The following DPP10 variants were observed in gnomAD, a reference collection of about 807,000 sequenced individuals.
DPP10 encodes dipeptidyl peptidase like 10.
Under a neutral mutation model 120.9 loss-of-function variants are expected in DPP10, and 33 were observed. The ratio of observed to expected loss-of-function variants is 0.27; its 90% CI spans 0.21 to 0.37. The LOEUF (loss-of-function observed/expected upper bound fraction) is 0.37, where lower values mean the gene tolerates loss of function less well. DPP10 is among the 10% of genes least tolerant of loss of function. DPP10 has a pLI of 1.00. For missense variants in DPP10, 816 were observed against 942.8 expected (o/e 0.87, Z 1.76); for synonymous variants, 337 against 326.1 (o/e 1.03, Z -0.36).
At chr2:115,322,878 TAAAA>T (rs894775359) in intron 2 of DPP10, among the ~76,000 whole-genome samples, 2 of 152,194 alleles carry the variant, frequency 1.3e-5, no homozygotes, top group Admixed American at 1.3e-4. Context: ...GCTTTATTGT[TAAAA>T]AAATTCTATT....
chr2:115,107,081 A>C (rs922736459), intron 1 of DPP10, among the ~76,000 whole-genome samples: 1 of 151,944 alleles, frequency 6.6e-6, no homozygotes, highest in African/African-American at 2.4e-5. Flanking sequence ...TCTCAAAAAA[A>C]AAAAAAAAAG....
In DPP10 at chr2:115,396,823, C is replaced by A. The variant is rs114281000; in HGVS notation, c.271+52911C>A. Among the ~76,000 whole-genome samples, 846 of 152,176 alleles carry A rather than the reference C, an allele frequency of 5.6e-3. 6 individuals are homozygous for A. Among genetic ancestry groups the A allele is most frequent in the African/African-American group, 0.016 (675 of 41,528 alleles). On this transcript the variant is annotated intron_variant, in intron 3 of 25. Coordinates refer to ENST00000410059, the MANE Select transcript of DPP10 (RefSeq NM_020868.6). Reference sequence around the variant, plus strand: ...ATTGCACAATCCACTCTAGCCATTGCACTCATATATCATTAAAGGAAAAAC... The same window carrying A: ...ATTGCACAATCCACTCTAGCCATTGAACTCATATATCATTAAAGGAAAAAC...
At chr2:115,642,929 A>G (rs1297725588) in intron 5 of DPP10, among the ~76,000 whole-genome samples, 4 of 152,074 alleles carry the variant, frequency 2.6e-5, no homozygotes. Context: ...ACCTGTCCAA[A>G]TGTTTATTTG....
At chr2:114,894,040 A>C (rs921916855) in intron 1 of DPP10, among the ~76,000 whole-genome samples, 20 of 152,166 alleles carry the variant, frequency 1.3e-4, no homozygotes, top group African/African-American at 4.6e-4. Flanking sequence ...TCCACTTTTC[A>C]ATTATTCTAC....
intron 13 of DPP10, among the ~76,000 whole-genome samples, chr2:115,774,808 A>G (rs2149837909): frequency 6.6e-6 from 1 of 152,284 alleles, no homozygotes; most frequent in South Asian, 2.1e-4. Context: ...CATGTGCAGT[A>G]AAGTATGGAA....
intron 5 of DPP10, among the ~76,000 whole-genome samples, chr2:115,559,764 T>G (rs1405602365): frequency 6.6e-6 from 1 of 152,166 alleles, no homozygotes; most frequent in Admixed American, 6.6e-5. Flanking sequence ...CTGAAGTATA[T>G]CTTACAAATA....
rs750698340 is a variant in DPP10, at chr2:114,442,887, C to T, written c.60+49C>T. 12 of 1,602,914 alleles carry T rather than the reference C, an allele frequency of 7.5e-6. No homozygotes were observed. The Admixed American group carries it at 1.8e-4, about 25-fold the overall frequency. ...CTTCTGCACATGTGTCTTCATTCAT[C>T]TACCTAACACATGGGCATTGATATA... On this transcript the variant is annotated intron_variant, in intron 1 of 25. Transcript: ENST00000410059.
intron 8 of DPP10, 113 bp from the exon 9 acceptor site, chr2:115,739,625 CA>C: frequency 8.9e-7 from 1 of 1,120,598 alleles, no homozygotes; most frequent in Non-Finnish European, 1.3e-6. Context: ...TAATAAAATT[CA>C]ATACACAGTC....
In DPP10 at chr2:115,565,134, CGTAA is replaced by C. The variant is rs570988481; in HGVS notation, c.441+39166_441+39169del. Among the ~76,000 whole-genome samples the C allele has an allele frequency of 6.6e-5, 10 of 152,154 alleles. 1 individual carries two copies. In the South Asian group the frequency reaches 1.2e-3, roughly 19 times the overall value. Reference sequence around the variant, plus strand: ...AAGTTAGCAAACACTGAGCTTTGTGCGTAAGTATGTGTGTATATATGTATGTAGG... The same window carrying C: ...AAGTTAGCAAACACTGAGCTTTGTGCGTATGTGTGTATATATGTATGTAGG... On this transcript the variant is annotated intron_variant, in intron 5 of 25. Coordinates refer to ENST00000410059, the MANE Select transcript of DPP10 (RefSeq NM_020868.6).
At chr2:115,155,385 TCTCCATGTGAAAGGTCAGGGGA>T (rs1478386893) in intron 1 of DPP10, among the ~76,000 whole-genome samples, 167 of 152,290 alleles carry the variant, frequency 1.1e-3, no homozygotes, top group African/African-American at 4.0e-3. Context: ...GTGGATGGCT[TCTCCATGTGAAAGGTCAGGGGA>T]CCCCTGAAGG....
chr2:115,289,506 G>GAAAAAAAAAAA (rs70941043), intron 1 of DPP10, among the ~76,000 whole-genome samples: 1 of 114,396 alleles, frequency 8.7e-6, no homozygotes, highest in African/African-American at 3.4e-5. Flanking sequence ...AAAAAAAAAG[G>GAAAAAAAAAAA]AAGAAAAGAA....
chr2:114,600,746 C>T (rs1398453836), intron 1 of DPP10, among the ~76,000 whole-genome samples: 2 of 151,764 alleles, frequency 1.3e-5, no homozygotes, highest in Admixed American at 1.3e-4. Flanking sequence ...AGCTCTTATG[C>T]ATTGGAATAG....
At chr2:115,664,782 C>T (rs2089308598) in intron 5 of DPP10, among the ~76,000 whole-genome samples, 1 of 152,184 alleles carries the variant, frequency 6.6e-6, no homozygotes, top group Admixed American at 6.6e-5. Flanking sequence ...TGCATTAGGG[C>T]AACCTAATGC....
At position 115,814,870 on chromosome 2, in the gene DPP10, A is replaced by G. The variant is rs373895432; in HGVS notation, c.1778A>G (p.Asn593Ser). Residue 593 changes from asparagine (N) to serine (S), a missense_variant, in exon 20 of 26, where the codon AAT (asparagine) becomes AGT (serine). Coordinates refer to ENST00000410059, the MANE Select transcript of DPP10 (RefSeq NM_020868.6). ...DWDSVLIDMD[N>S]VIVARFDGRG... is the part of the protein sequence containing the mutation. ...GATTCCGTACTCATTGACATGGATA[A>G]TGTCATTGTAGCAAGATTTGATGGC... 39 of 1,610,934 alleles carry G rather than the reference A, an allele frequency of 2.4e-5. No homozygotes were observed. In the African/African-American group the frequency reaches 2.5e-4, roughly 10 times the overall value.
At chr2:114,624,048 G>T (rs985762383) in intron 1 of DPP10, among the ~76,000 whole-genome samples, 3 of 152,020 alleles carry the variant, frequency 2.0e-5, no homozygotes, top group Admixed American at 6.6e-5. Context: ...ACAGTGACTG[G>T]AGCTTGACAA....
intron 1 of DPP10, among the ~76,000 whole-genome samples, chr2:114,926,850 A>ATTAT (rs1695666301): frequency 7.3e-6 from 1 of 136,574 alleles, no homozygotes; most frequent in South Asian, 2.4e-4. Flanking sequence ...GGAAGATACA[A>ATTAT]TTTTTTTTTT....
chr2:115,595,728 C>T (rs900357513), intron 5 of DPP10, among the ~76,000 whole-genome samples: 1 of 151,820 alleles, frequency 6.6e-6, no homozygotes, highest in African/African-American at 2.4e-5. Flanking sequence ...ATTTCCTTTC[C>T]TCCCCAATTT....
chr2:115,789,592 G>A (rs1683719027), intron 17 of DPP10, among the ~76,000 whole-genome samples: 2 of 152,250 alleles, frequency 1.3e-5, no homozygotes, highest in South Asian at 4.1e-4. Context: ...CTCCTTCTGT[G>A]CAACATTGTG....
chr2:115,015,703 T>C (rs12711816), intron 1 of DPP10, among the ~76,000 whole-genome samples: 81,612 of 151,940 alleles, frequency 0.54, 22,690 homozygotes, highest in East Asian at 0.65. Flanking sequence ...TATACACCAA[T>C]AATAGACATA....
Sources: allele counts gnomAD v4.1 joint callset (sites outside exome capture counted in the v4.1 genomes callset), GRCh38; gene constraint gnomAD v4.1.1; transcripts MANE v1.5; gene names NCBI Gene and HGNC (gene_info 2026-07-23, HGNC 2026-07-21).